The following WIPI1 variants were observed in gnomAD, a reference collection of about 807,000 sequenced individuals.
WIPI1 encodes the protein WD repeat domain, phosphoinositide interacting 1, also known as WD repeat domain phosphoinositide-interacting protein 1.
In WIPI1, 45 loss-of-function variants were observed where a neutral mutation model predicts 55.3. The ratio of observed to expected loss-of-function variants is 0.81; its 90% CI spans 0.64 to 1.04. The LOEUF (loss-of-function observed/expected upper bound fraction) is 1.04, where lower values mean the gene tolerates loss of function less well. Among genes scored for constraint, WIPI1 ranks in the 50% least tolerant of loss-of-function variants. WIPI1 has a pLI of 0.00. For missense variants in WIPI1, 445 were observed against 559.0 expected, an observed-to-expected ratio of 0.80 and a Z score of 2.06; for synonymous variants, 195 against 217.6, an observed-to-expected ratio of 0.90 and a Z score of 0.92.
intron 2 of WIPI1, among the ~76,000 whole-genome samples, chr17:68,451,524 C>T (rs2084499116): frequency 2.6e-5 from 4 of 152,220 alleles, no homozygotes; most frequent in Non-Finnish European, 4.4e-5. Context: ...GCAGAATCTC[C>T]CCTCCAGACC....
At chr17:68,426,254 G>GGGGGGT in intron 11 of WIPI1, 79 bp from the exon 12 acceptor site, 2 of 816,922 alleles carry the variant, frequency 2.4e-6, no homozygotes, top group Admixed American at 2.3e-5. Flanking sequence ...GGGAGCGGGG[G>GGGGGGT]CTCAAATAAA....
intron 3 of WIPI1, among the ~76,000 whole-genome samples, chr17:68,447,666 C>T (rs1261565349): frequency 6.6e-6 from 1 of 152,184 alleles, no homozygotes; most frequent in Non-Finnish European, 1.5e-5. Context: ...GCTGGGACCA[C>T]ACTTGGCCCT....
chr17:68,430,988 CTTCATG>C (rs2083484970), intron 8 of WIPI1, among the ~76,000 whole-genome samples: 2 of 152,122 alleles, frequency 1.3e-5, no homozygotes, highest in Non-Finnish European at 2.9e-5. Context: ...CTCTCTGGGC[CTTCATG>C]TTCTCATCTG....
chr17:68,452,843 G>T, intron 2 of WIPI1, 67 bp downstream of exon 2: 1 of 1,459,596 alleles, frequency 6.9e-7, no homozygotes, highest in South Asian at 1.1e-5. Flanking sequence ...TAGCACCGCA[G>T]ATTAAAGCCT....
chr17:68,444,362 C>T, intron 4 of WIPI1, 131 bp downstream of exon 4: 1 of 772,230 alleles, frequency 1.3e-6, no homozygotes, highest in Non-Finnish European at 2.2e-6. Context: ...GACAAAGCTT[C>T]GAGATAAACC....
chr17:68,439,085 A>C (rs1443499719), intron 4 of WIPI1, among the ~76,000 whole-genome samples: 1 of 152,188 alleles, frequency 6.6e-6, no homozygotes, highest in African/African-American at 2.4e-5. Context: ...CAGTTCTTCA[A>C]AAGCTAAACA....
chr17:68,439,075 CA>C (rs1335279671), intron 4 of WIPI1, among the ~76,000 whole-genome samples: 4 of 152,136 alleles, frequency 2.6e-5, no homozygotes, highest in Non-Finnish European at 4.4e-5. Context: ...GAACGTTTAG[CA>C]GTTCTTCAAA....
rs754701731 is a variant in WIPI1 at position 68,426,242 on chromosome 17, T to TGGGGGGGGGG, written c.1193-68_1193-67insCCCCCCCCCC. ...TGCTTTTATGCCATGACCTGGCGGGTGGGGAGCGGGGGCTCAAATAAAGGG... is the reference window on the plus strand; with the variant it reads ...TGCTTTTATGCCATGACCTGGCGGGTGGGGGGGGGGGGGGAGCGGGGGCTCAAATAAAGGG... On this transcript the variant is annotated intron_variant, in intron 11 of 12. Transcript: ENST00000262139. 143 of 682,648 alleles carry TGGGGGGGGGG rather than the reference T, an allele frequency of 2.1e-4. 35 individuals carry two copies. The highest frequency in any genetic ancestry group is 5.1e-4 in the South Asian group (29 of 56,776). 42.3% of individuals were successfully genotyped at this position (682,648 alleles called of 1,614,324 possible).
Position 68,452,991 on chromosome 17 carries a change from A to T in WIPI1, c.82T>A (p.Ser28Thr), listed in dbSNP as rs150948732. Residue 28 changes from serine to threonine, a missense_variant and splice_region_variant, in exon 2 of 13, where the codon TCC becomes ACC. Coordinates refer to ENST00000262139, the MANE Select transcript of WIPI1 (RefSeq NM_017983.7). ...SCFSFNQDCT[S>T]LATGTKAGYK... ...CCGGCTTTAGTTCCAGTTGCTAGGG[A>T]TCTGTGGAGGATAATGACAGCATGG... The T allele has an allele frequency of 6.2e-7, 1 of 1,612,084 alleles. No homozygotes were observed. Among genetic ancestry groups the T allele is most frequent in the African/African-American group, 1.3e-5 (1 of 74,992 alleles).
At chr17:68,451,339 C>G (rs941752442) in intron 2 of WIPI1, among the ~76,000 whole-genome samples, 196 of 152,298 alleles carry the variant, frequency 1.3e-3, no homozygotes, top group African/African-American at 4.6e-3. Flanking sequence ...GAGGCTGAGG[C>G]ATGAGAATCA....
intron 11 of WIPI1, 65 bp from the exon 12 acceptor site, chr17:68,426,240 G>A: frequency 1.8e-6 from 2 of 1,131,484 alleles, no homozygotes; most frequent in Non-Finnish European, 2.6e-6. Context: ...TGACCTGGCG[G>A]GTGGGGAGCG....
At chr17:68,427,806 G>A (rs931017617) in intron 10 of WIPI1, among the ~76,000 whole-genome samples, 2 of 152,218 alleles carry the variant, frequency 1.3e-5, no homozygotes, top group Admixed American at 1.3e-4. Flanking sequence ...CCATCGGTGG[G>A]GGGCGGTGGC....
chr17:68,443,565 T>C lies in WIPI1; in HGVS notation c.430+928A>G, dbSNP rs546608679. Among the ~76,000 whole-genome samples the C allele has an allele frequency of 1.1e-3, 149 of 139,772 alleles. 4 individuals carry two copies. The South Asian group carries it at 0.032, about 30-fold the overall frequency. The allele number at this position is 139,772 out of a possible 152,430, so 91.7% of individuals were successfully genotyped here. ...CCTGTGCTGGTCACTTTCACAAACA[T>C]TACCTTGTTTAATTCTCAGCCAACC... On this transcript the variant is annotated intron_variant, in intron 4 of 12. Transcript: ENST00000262139.
At chr17:68,445,135 G>A (rs1225573272) in intron 3 of WIPI1, among the ~76,000 whole-genome samples, 1 of 152,008 alleles carries the variant, frequency 6.6e-6, no homozygotes, top group Admixed American at 6.6e-5. Context: ...GATCAGGCTG[G>A]TCTCGAACTC....
Position 68,436,382 on chromosome 17 carries a change from C to T in WIPI1, c.528G>A (p.Leu176=). The T allele has an allele frequency of 6.2e-7, 1 of 1,613,680 alleles. No individual in the cohort carries two copies. Among genetic ancestry groups the T allele is most frequent in the South Asian group, 1.1e-5 (1 of 91,064 alleles). The part of the protein sequence containing the change: ...GEIVLYDGNS[L]KTVCTIAAHE... ...CTCAGCCAGGTCACCGTCAACTTAC[C>T]AGGGAGTTTCCATCATAAAGCACAA... The change falls in exon 5 of 13, where the codon CTG becomes CTA. Residue 176 remains leucine, a splice_region_variant and synonymous_variant. Coordinates refer to ENST00000262139, the MANE Select transcript of WIPI1 (RefSeq NM_017983.7).
intron 11 of WIPI1, 53 bp from the exon 12 acceptor site, chr17:68,426,228 CATGACCTGGCGGGTGGGGAGCGGGGG>C: frequency 1.0e-6 from 1 of 984,652 alleles, no homozygotes; most frequent in Non-Finnish European, 1.5e-6. Flanking sequence ...GCTTTTATGC[CATGACCTGGCGGGTGGGGAGCGGGGG>C]CTCAAATAAA....
rs558600239 is a variant in WIPI1 at position 68,450,820 on chromosome 17, G to A, written c.241C>T (p.Arg81Trp). ...LVVVVSHTKP[R>W]QMNVYHFKKG... ...TTGAAGTGATACACGTTCATCTGCC[G>A]TGGTTTTGTGTGACTGACTACCACC... The change falls in exon 3 of 13, where the codon CGG (arginine) becomes TGG (tryptophan). Residue 81 changes from arginine (R) to tryptophan (W), a missense_variant. Arg to Trp is a moderately radical substitution (Grantham distance 101, BLOSUM62 -3). Transcript: ENST00000262139. The A allele has an allele frequency of 2.3e-4, 372 of 1,614,148 alleles. 8 individuals are homozygous for A. In the South Asian group the frequency reaches 3.5e-3, roughly 15 times the overall value.
intron 3 of WIPI1, among the ~76,000 whole-genome samples, chr17:68,450,399 T>C (rs1191390846): frequency 6.6e-6 from 1 of 152,182 alleles, no homozygotes; most frequent in South Asian, 2.1e-4. Context: ...TGATTTAAGG[T>C]GCTCTTGCGG....
chr17:68,428,228 G>GTT (rs200232572), intron 10 of WIPI1: 58 of 136,024 alleles, frequency 4.3e-4, no homozygotes, highest in Middle Eastern at 4.2e-3. Context: ...CAGGGAATAG[G>GTT]TTTTTTTTTT....
Sources: gnomAD v4.1 joint callset for allele counts (sites outside exome capture counted in the v4.1 genomes callset) on GRCh38, gnomAD v4.1.1 for gene constraint, MANE v1.5 for transcripts, NCBI Gene and HGNC (gene_info 2026-07-23, HGNC 2026-07-21) for gene names.